JAG2: variants seen among roughly 807,000 people sequenced by gnomAD.
JAG2 encodes the protein jagged canonical Notch ligand 2, also known as protein jagged-2.
A neutral mutation model predicts 141.7 loss-of-function variants in JAG2; 46 were observed. The ratio of observed to expected loss-of-function variants is 0.32; its 90% CI spans 0.26 to 0.42. JAG2 has a LOEUF of 0.42. Among genes scored for constraint, JAG2 ranks in the 10% least tolerant of loss-of-function variants. The pLI, the probability that JAG2 is intolerant of heterozygous loss-of-function variation, is 1.00. For synonymous variants in JAG2, 862 were observed against 763.5 expected (o/e 1.13, Z -2.13); for missense variants, 1,500 against 1,817.5 (o/e 0.83, Z 3.18).
Position 105,157,769 on chromosome 14 carries a change from G to T in JAG2, c.418-6C>A. 1 of 1,573,892 alleles carries T rather than the reference G, an allele frequency of 6.4e-7. No individual in the cohort carries two copies. Reference sequence around the variant, plus strand: ...ACGATGAGGGTAAAGGAGCGCTGCAGACATGGGGAGGCGGGTCAGGTACCT... The same window carrying T: ...ACGATGAGGGTAAAGGAGCGCTGCATACATGGGGAGGCGGGTCAGGTACCT... On this transcript the variant is annotated splice_region_variant and splice_polypyrimidine_tract_variant and intron_variant, in intron 2 of 25. Coordinates refer to ENST00000331782, the MANE Select transcript of JAG2 (RefSeq NM_002226.5).
In JAG2 at chr14:105,154,569, C is replaced by T. The variant is rs1289302386; in HGVS notation, c.788+993G>A. On this transcript the variant is annotated intron_variant, in intron 5 of 25. Coordinates refer to ENST00000331782, the MANE Select transcript of JAG2 (RefSeq NM_002226.5). The surrounding 1 kb of genome is among the most constrained non-coding windows in gnomAD (Gnocchi z 4.4). ...CACCATCTGGACTTGGCTGTAAGACCCCGGACACTCCCTTGTGGAGGCCCT... is the reference window on the plus strand; with the variant it reads ...CACCATCTGGACTTGGCTGTAAGACTCCGGACACTCCCTTGTGGAGGCCCT... Among the ~76,000 whole-genome samples, 1 of 152,142 alleles carries T rather than the reference C, an allele frequency of 6.6e-6. No homozygotes were observed. The highest frequency in any genetic ancestry group is 1.5e-5 in the Non-Finnish European group (1 of 68,004).
intron 9 of JAG2, 45 bp downstream of exon 9, chr14:105,151,238 C>CCCGCA: frequency 1.7e-5 from 26 of 1,575,578 alleles, no homozygotes; most frequent in Non-Finnish European, 1.8e-5. Context: ...CCCCGCAGCC[C>CCCGCA]GCATGCGCGG....
In JAG2 at chr14:105,141,078, T is replaced by C. The variant is rs1888048915; in HGVS notation, c.*1617A>G. ...CAGGCTGTCAGCAGGACTTTTTTTT[T>C]CTCTTTTGTACAGATCTGGTTCTTG... On this transcript the variant is annotated 3_prime_UTR_variant, in exon 26 of 26. Transcript: ENST00000331782. The C allele has an allele frequency of 6.6e-6, 1 of 152,206 alleles. No homozygotes were observed. Among genetic ancestry groups the C allele is most frequent in the African/African-American group, 2.4e-5 (1 of 41,440 alleles). 9.4% of individuals were successfully genotyped at this position (152,206 alleles called of 1,614,324 possible).
intron 12 of JAG2, 67 bp from the exon 13 acceptor site, chr14:105,149,387 C>T: frequency 2.5e-6 from 4 of 1,596,524 alleles, no homozygotes; most frequent in Non-Finnish European, 3.4e-6. Flanking sequence ...GGCCAGGCCT[C>T]TGTCCATACG....
Position 105,151,304 on chromosome 14 carries a change from C to T in JAG2, c.1246G>A (p.Val416Met). The T allele has an allele frequency of 6.2e-7, 1 of 1,612,546 alleles. No homozygotes were observed. Reference protein sequence around the residue: ...GFECICPEQWVGATCQLDANE... With the variant: ...GFECICPEQWMGATCQLDANE... ...TTACCCAGCTGGCAGGTGGCCCCCA[C>T]CCACTGCTCGGGGCAGATGCACTCA... Residue 416 changes from valine to methionine, a missense_variant, in exon 9 of 26, where the codon GTG becomes ATG. Physicochemically the swap from Val to Met is conservative, Grantham distance 21. This residue lies in a region of JAG2 where 875 missense variants were observed against 1,202.2 expected (regional missense o/e 0.73). Transcript: ENST00000331782.
intron 5 of JAG2, among the ~76,000 whole-genome samples, chr14:105,152,715 T>C (rs587604025): frequency 1.3e-5 from 2 of 152,260 alleles, no homozygotes; most frequent in South Asian, 4.1e-4. Context: ...GCCTCGGCCA[T>C]GTGGCCCTGG....
At position 105,147,903 on chromosome 14, in the gene JAG2, G is replaced by A. The variant is rs777028317; in HGVS notation, c.2249-15C>T. The A allele has an allele frequency of 3.9e-6, 6 of 1,535,038 alleles. No individual in the cohort carries two copies. The highest frequency in any genetic ancestry group is 4.9e-5 in the East Asian group (2 of 40,942). On this transcript the variant is annotated splice_polypyrimidine_tract_variant and intron_variant, in intron 17 of 25. Coordinates refer to ENST00000331782, the MANE Select transcript of JAG2 (RefSeq NM_002226.5). ...GCTGTTCTTGGCTGTAAGGAGAGGA[G>A]GAGGAGGGAGCGTCTCACCTGGCCC...
At chr14:105,156,531 C>T (rs1348746053) in intron 3 of JAG2, among the ~76,000 whole-genome samples, 1 of 151,736 alleles carries the variant, frequency 6.6e-6, no homozygotes, top group African/African-American at 2.4e-5. Flanking sequence ...GCATAGGTCC[C>T]GTGACCCGCT....
At chr14:105,159,990 C>T (rs147528298) in intron 2 of JAG2, among the ~76,000 whole-genome samples, 23 of 21,134 alleles carry the variant, frequency 1.1e-3, no homozygotes, top group Non-Finnish European at 1.6e-3. Context: ...GTCCACACCC[C>T]CCCCAGAGCT....
At chr14:105,164,012 C>T (rs1888836459) in intron 2 of JAG2, among the ~76,000 whole-genome samples, 1 of 152,088 alleles carries the variant, frequency 6.6e-6, no homozygotes, top group Admixed American at 6.5e-5. Context: ...TAGCTTGCTC[C>T]CCTCATAAAG....
At chr14:105,148,670 C>G in intron 15 of JAG2, 75 bp downstream of exon 15, 1 of 1,293,904 alleles carries the variant, frequency 7.7e-7, no homozygotes, top group South Asian at 1.3e-5. Context: ...ACCCAGACAG[C>G]GGTCCATCTC....
Position 105,156,581 on chromosome 14 carries a change from G to C in JAG2, c.476-592C>G, listed in dbSNP as rs960476162. ...TTAAGTAAGCCACCAGGAGACCAGG[G>C]GCCAGGGGCACCACAGCTGCTGGCG... On this transcript the variant is annotated intron_variant, in intron 3 of 25. Transcript: ENST00000331782. Among the ~76,000 whole-genome samples, 5 of 152,016 alleles carry C rather than the reference G, an allele frequency of 3.3e-5. 1 individual carries two copies. Among genetic ancestry groups the C allele is most frequent in the Admixed American group, 3.3e-4 (5 of 15,276 alleles).
intron 2 of JAG2, among the ~76,000 whole-genome samples, chr14:105,166,307 C>T (rs1888908270): frequency 6.6e-6 from 1 of 152,264 alleles, no homozygotes; most frequent in Admixed American, 6.5e-5. Flanking sequence ...GCTGCCAACT[C>T]GAGCAGAAAA....
chr14:105,160,589 A>C (rs1769696492), intron 2 of JAG2, among the ~76,000 whole-genome samples: 1 of 152,006 alleles, frequency 6.6e-6, no homozygotes, highest in South Asian at 2.1e-4. Context: ...CCAACGGGTC[A>C]CAGTGGCTCA....
In JAG2 at chr14:105,148,096, A is replaced by G; in HGVS notation, c.2248+20T>C. On this transcript the variant is annotated intron_variant, in intron 17 of 25. Coordinates refer to ENST00000331782, the MANE Select transcript of JAG2 (RefSeq NM_002226.5). ...GAGGGCATATGCCCGGCGGTCGCAG[A>G]GGCAGCGGGGGCTCCTCACCGACGG... is the stretch of plus-strand genomic sequence containing the variant. The G allele has an allele frequency of 6.5e-7, 1 of 1,529,772 alleles. No individual in the cohort carries two copies. The highest frequency in any genetic ancestry group is 8.8e-7 in the Non-Finnish European group (1 of 1,130,544). The allele number at this position is 1,529,772 out of a possible 1,614,324, so 94.8% of individuals were successfully genotyped here.
chr14:105,151,228 C>CCCAGCAGCT, intron 9 of JAG2, 55 bp downstream of exon 9: 1 of 1,546,212 alleles, frequency 6.5e-7, no homozygotes, highest in African/African-American at 1.5e-5. Context: ...CCCCAGCAGC[C>CCCAGCAGCT]CCCGCAGCCC....
At chr14:105,155,519 G>A (rs1888552758) in intron 5 of JAG2, 43 bp downstream of exon 5, 1 of 1,608,008 alleles carries the variant, frequency 6.2e-7, no homozygotes, top group African/African-American at 1.3e-5. Context: ...AGGACGTGAG[G>A]GCAAAGGTTG....
intron 15 of JAG2, 97 bp from the exon 16 acceptor site, chr14:105,148,536 A>C: frequency 1.4e-6 from 1 of 689,828 alleles, no homozygotes; most frequent in Admixed American, 2.3e-5. Context: ...AGGTGAGGAC[A>C]GAGAGGGGCG....
chr14:105,145,761 G>T lies in JAG2; in HGVS notation c.2922C>A (p.Thr974=). 1 of 1,591,286 alleles carries T rather than the reference G, an allele frequency of 6.3e-7. No homozygotes were observed. Among genetic ancestry groups the T allele is most frequent in the East Asian group, 2.3e-5 (1 of 43,352 alleles). ...GHLDNNCARL[T]LHFNRDHVPQ... is the part of the protein sequence containing the mutation. ...GCACGTGGTCACGGTTGAAATGCAA[G>T]GTGAGGCGGGCACAGTTATTGTCCA... Residue 974 remains threonine, a synonymous_variant, in exon 23 of 26, where the codon ACC becomes ACA. Transcript: ENST00000331782.
Sources: gnomAD v4.1 joint callset for allele counts (sites outside exome capture counted in the v4.1 genomes callset) on GRCh38, gnomAD v4.1.1 for gene constraint, gnomAD v4.1.1 regional missense constraint, Gnocchi (gnomAD v3.1) non-coding constraint, MANE v1.5 for transcripts, NCBI Gene and HGNC (gene_info 2026-07-23, HGNC 2026-07-21) for gene names.